Variants in ARID1B observed in about 807,000 individuals in gnomAD.
ARID1B encodes AT-rich interactive domain-containing protein 1B.
In ARID1B, 30 loss-of-function variants were observed where a neutral mutation model predicts 212.3. The ratio of observed to expected loss-of-function variants is 0.14; its 90% CI spans 0.11 to 0.19. The LOEUF is 0.19. Ranked by LOEUF, ARID1B falls within the 10% of genes least tolerant of loss-of-function variation. ARID1B has a pLI of 1.00. For synonymous variants in ARID1B, 1,402 were observed against 1,301.7 expected (o/e 1.08, Z -1.66); for missense variants, 2,891 against 3,204.0 (o/e 0.90, Z 2.36).
At chr6:157,004,033 A>T (rs1293624936) in intron 4 of ARID1B, among the ~76,000 whole-genome samples, 1 of 152,050 alleles carries the variant, frequency 6.6e-6, no homozygotes, top group East Asian at 1.9e-4. Flanking sequence ...CCCTGTGTCA[A>T]AACAAACAAA....
chr6:156,968,336 TA>T (rs1461077868), intron 4 of ARID1B, among the ~76,000 whole-genome samples: 17 of 152,046 alleles, frequency 1.1e-4, no homozygotes, highest in African/African-American at 4.1e-4. Flanking sequence ...AAAATATCTA[TA>T]TCTGAAAAAT....
intron 6 of ARID1B, among the ~76,000 whole-genome samples, chr6:157,132,374 G>A (rs577951127): frequency 6.6e-6 from 1 of 152,332 alleles, no homozygotes; most frequent in Non-Finnish European, 1.5e-5. Flanking sequence ...AGGTTTGAAG[G>A]AGAAAGTCAG....
At chr6:157,084,615 A>G (rs202022642) in intron 4 of ARID1B, 47 bp from the exon 5 acceptor site, 156 of 1,584,202 alleles carry the variant, frequency 9.8e-5, no homozygotes, top group Non-Finnish European at 1.3e-4. Flanking sequence ...TTGATGAGAT[A>G]TTCATCCAAA....
intron 17 of ARID1B, among the ~76,000 whole-genome samples, chr6:157,199,210 C>G (rs1793939928): frequency 1.3e-5 from 2 of 152,126 alleles, no homozygotes; most frequent in South Asian, 2.1e-4. Flanking sequence ...AAACATGTAT[C>G]TATTGTGCAT....
At chr6:156,976,107 G>A (rs553625684) in intron 4 of ARID1B, among the ~76,000 whole-genome samples, 2 of 152,270 alleles carry the variant, frequency 1.3e-5, no homozygotes, top group Middle Eastern at 6.8e-3. Context: ...AAAGTCAATT[G>A]ATCAGTCAGG....
At chr6:156,826,978 T>G (rs990403170) in intron 1 of ARID1B, among the ~76,000 whole-genome samples, 1 of 152,146 alleles carries the variant, frequency 6.6e-6, no homozygotes, top group Non-Finnish European at 1.5e-5. Context: ...TTTCATATAT[T>G]CCTCCTAAAT....
At chr6:156,976,318 A>G (rs763098081) in intron 4 of ARID1B, 1 of 162,906 alleles carries the variant, frequency 6.1e-6, no homozygotes, top group Admixed American at 6.4e-5. Flanking sequence ...GAGCATCAAC[A>G]ATGCCGAAAA....
intron 6 of ARID1B, among the ~76,000 whole-genome samples, chr6:157,117,479 A>G (rs1338755861): frequency 2.0e-5 from 3 of 152,192 alleles, no homozygotes; most frequent in African/African-American, 7.2e-5. Flanking sequence ...GGCTGCGGGC[A>G]CATCTTTCTC....
At chr6:157,081,713 C>G (rs1392672091) in intron 4 of ARID1B, among the ~76,000 whole-genome samples, 1 of 152,102 alleles carries the variant, frequency 6.6e-6, no homozygotes, top group Non-Finnish European at 1.5e-5. Context: ...CTTTTTAAAC[C>G]ATAATATGGA....
chr6:157,175,038 G>GT (rs778961563), intron 11 of ARID1B, 33 bp downstream of exon 11: 1 of 1,339,096 alleles, frequency 7.5e-7, no homozygotes, highest in Non-Finnish European at 9.7e-7. Flanking sequence ...TGTTTTTTTT[G>GT]TTTTTTGTTT....
intron 4 of ARID1B, among the ~76,000 whole-genome samples, chr6:156,972,688 A>C (rs905068353): frequency 3.9e-5 from 6 of 152,144 alleles, no homozygotes; most frequent in African/African-American, 9.7e-5. Flanking sequence ...CCCCTTGGTA[A>C]TATGTGGGAT....
At chr6:157,158,848 T>TAAA (rs1790735817) in intron 8 of ARID1B, among the ~76,000 whole-genome samples, 2 of 152,198 alleles carry the variant, frequency 1.3e-5, no homozygotes. Flanking sequence ...AAGATAAACT[T>TAAA]TTTAAGTAAA....
At chr6:156,905,852 T>C (rs1245905654) in intron 3 of ARID1B, among the ~76,000 whole-genome samples, 1 of 152,248 alleles carries the variant, frequency 6.6e-6, no homozygotes, top group African/African-American at 2.4e-5. Context: ...TCTAAGAATT[T>C]TATCTTTTGT....
At chr6:156,800,975 C>G (rs1263756009) in intron 1 of ARID1B, among the ~76,000 whole-genome samples, 4 of 152,192 alleles carry the variant, frequency 2.6e-5, no homozygotes, top group Non-Finnish European at 4.4e-5. Context: ...GCAGCACAAT[C>G]TGTTGTCAGT....
At chr6:156,868,167 T>G (rs1785850270) in intron 2 of ARID1B, among the ~76,000 whole-genome samples, 1 of 152,246 alleles carries the variant, frequency 6.6e-6, no homozygotes, top group Admixed American at 6.5e-5. Context: ...GTGGTCTTTA[T>G]TTTGTATTTG....
At chr6:157,013,182 A>G (rs943714031) in intron 4 of ARID1B, among the ~76,000 whole-genome samples, 1 of 152,232 alleles carries the variant, frequency 6.6e-6, no homozygotes, top group African/African-American at 2.4e-5. Flanking sequence ...CCCTGCCGGC[A>G]TGAAGTTTTG....
At chr6:157,204,897 C>T (rs1562349879) in intron 19 of ARID1B, 1 of 152,208 alleles carries the variant, frequency 6.6e-6, no homozygotes, top group African/African-American at 2.4e-5. Flanking sequence ...GAATCTTCTA[C>T]TTCTTTCTTC....
At chr6:156,886,279 G>A (rs1427526638) in intron 2 of ARID1B, among the ~76,000 whole-genome samples, 7 of 152,130 alleles carry the variant, frequency 4.6e-5, no homozygotes, top group Non-Finnish European at 8.8e-5. Flanking sequence ...TGCAACCTCC[G>A]CCTCCTGGGT....
intron 1 of ARID1B, among the ~76,000 whole-genome samples, chr6:156,822,208 A>C (rs927235850): frequency 2.0e-5 from 3 of 152,254 alleles, no homozygotes; most frequent in South Asian, 2.1e-4. Flanking sequence ...AAATGTGACA[A>C]ATATTCCTGT....
Sources: gnomAD v4.1 joint callset for allele counts (sites outside exome capture counted in the v4.1 genomes callset) on GRCh38, gnomAD v4.1.1 for gene constraint, MANE v1.5 for transcripts, NCBI Gene and HGNC (gene_info 2026-07-23, HGNC 2026-07-21) for gene names.